The following ADGRG6 variants were observed in gnomAD, a reference collection of about 807,000 sequenced individuals.
The protein encoded by ADGRG6 is G-protein coupled receptor 126.
In ADGRG6, 84 loss-of-function variants were observed where a neutral mutation model predicts 142.4. That is an observed-to-expected ratio of 0.59 (90% CI 0.49 to 0.71). The LOEUF is 0.71. Among genes scored for constraint, ADGRG6 ranks in the 30% least tolerant of loss-of-function variants. The probability of loss-of-function intolerance (pLI) is 0.00; values close to 1 mark genes in which losing one functional copy is unlikely to be tolerated. For missense variants in ADGRG6, 1,367 were observed against 1,466.6 expected (o/e 0.93, Z 1.11); for synonymous variants, 521 against 520.5 (o/e 1.00, Z -0.01).
intron 22 of ADGRG6, among the ~76,000 whole-genome samples, chr6:142,435,075 C>G (rs7758750): frequency 0.081 from 12,329 of 152,074 alleles, 628 homozygotes; most frequent in East Asian, 0.25. Context: ...ATGTAGTTTT[C>G]TTGATGAATA....
chr6:142,441,229 G>C (rs1308714857), intron 24 of ADGRG6, among the ~76,000 whole-genome samples: 2 of 152,148 alleles, frequency 1.3e-5, no homozygotes, highest in Non-Finnish European at 1.5e-5. Flanking sequence ...GTAAAATAAT[G>C]ACAGAAAGCA....
intron 2 of ADGRG6, among the ~76,000 whole-genome samples, chr6:142,352,588 C>T (rs1210615948): frequency 1.3e-5 from 2 of 152,024 alleles, no homozygotes; most frequent in African/African-American, 2.4e-5. Flanking sequence ...TAACAAACCA[C>T]CTGTACCCTC....
intron 10 of ADGRG6, among the ~76,000 whole-genome samples, chr6:142,399,249 GT>G (rs2115005996): frequency 6.6e-6 from 1 of 152,274 alleles, no homozygotes; most frequent in African/African-American, 2.4e-5. Context: ...TCACAGTCTA[GT>G]AAAGAGGCAG....
At chr6:142,398,244 A>C (rs1419979060) in intron 10 of ADGRG6, among the ~76,000 whole-genome samples, 4 of 152,188 alleles carry the variant, frequency 2.6e-5, no homozygotes, top group Non-Finnish European at 2.9e-5. Flanking sequence ...TGGGCTACAC[A>C]GGGAGACTGT....
intron 2 of ADGRG6, among the ~76,000 whole-genome samples, chr6:142,347,614 A>G (rs1397087904): frequency 2.6e-5 from 4 of 152,104 alleles, no homozygotes; most frequent in Non-Finnish European, 5.9e-5. Context: ...TTGGCCCAGT[A>G]CAGTACTTGG....
In ADGRG6 at chr6:142,341,487, T is replaced by C. The variant is rs1220508349; in HGVS notation, c.104-26082T>C. On this transcript the variant is annotated intron_variant, in intron 2 of 24. Coordinates refer to ENST00000367609, the MANE Select transcript of ADGRG6 (RefSeq NM_198569.3). ...ATATAATATTATGTAGTATATATAC[T>C]ATATAATATTATATAGTATATATAC... is the stretch of plus-strand genomic sequence containing the variant. Among the ~76,000 whole-genome samples the C allele has an allele frequency of 9.3e-5, 11 of 118,298 alleles. No individual in the cohort carries two copies. In the South Asian group the frequency reaches 2.2e-3, roughly 24 times the overall value. The allele number at this position is 118,298 out of a possible 152,430, so 77.6% of individuals were successfully genotyped here.
chr6:142,403,656 G>A, intron 13 of ADGRG6, 146 bp from the exon 14 acceptor site: 1 of 556,630 alleles, frequency 1.8e-6, no homozygotes, highest in South Asian at 2.5e-5. Context: ...TGTGGATTGG[G>A]GTAATTTTAT....
intron 2 of ADGRG6, among the ~76,000 whole-genome samples, chr6:142,336,461 C>T (rs1779322081): frequency 2.6e-5 from 4 of 152,116 alleles, no homozygotes. Context: ...TTGTGGTTTG[C>T]TCTCTGGGGT....
At chr6:142,361,820 T>TC (rs1256192623) in intron 2 of ADGRG6, among the ~76,000 whole-genome samples, 1 of 152,092 alleles carries the variant, frequency 6.6e-6, no homozygotes, top group Non-Finnish European at 1.5e-5. Flanking sequence ...TTTTTTTTTT[T>TC]TAAAGCTGGA....
At chr6:142,341,407 A>G (rs1272790455) in intron 2 of ADGRG6, among the ~76,000 whole-genome samples, 1 of 122,836 alleles carries the variant, frequency 8.1e-6, no homozygotes, top group Admixed American at 1.0e-4. Context: ...TATATAATAT[A>G]TTATATAATA....
At chr6:142,338,960 C>T (rs1666017826) in intron 2 of ADGRG6, among the ~76,000 whole-genome samples, 1 of 152,146 alleles carries the variant, frequency 6.6e-6, no homozygotes, top group South Asian at 2.1e-4. Context: ...CACAAACACA[C>T]TCCACATTTT....
chr6:142,363,982 T>G (rs1780832315), intron 2 of ADGRG6, among the ~76,000 whole-genome samples: 1 of 151,918 alleles, frequency 6.6e-6, no homozygotes. Flanking sequence ...CGTTTTGTTC[T>G]GTATTTTTTG....
chr6:142,434,967 A>G (rs1278721024), intron 22 of ADGRG6, among the ~76,000 whole-genome samples: 1 of 152,124 alleles, frequency 6.6e-6, no homozygotes, highest in African/African-American at 2.4e-5. Flanking sequence ...AAAACATGTA[A>G]GCATAACCTT....
At position 142,400,496 on chromosome 6, in the gene ADGRG6, G is replaced by C; in HGVS notation, c.1579G>C (p.Ala527Pro). The C allele has an allele frequency of 6.6e-7, 1 of 1,525,398 alleles. No homozygotes were observed. The highest frequency in any genetic ancestry group is 1.1e-5 in the South Asian group (1 of 88,866). The allele number at this position is 1,525,398 out of a possible 1,614,324, so 94.5% of individuals were successfully genotyped here. Residue 527 changes from alanine to proline, a missense_variant, in exon 11 of 25, where the codon GCC (alanine) becomes CCC (proline). Physicochemically the swap from Ala to Pro is conservative, Grantham distance 27 (BLOSUM62 -1). This residue lies in a region of ADGRG6 where 737 missense variants were observed against 746.5 expected (regional missense o/e 0.99). Transcript: ENST00000367609. Reference protein sequence around the residue: ...VNVRQLGHCLAMEEPKGYYWP... With the variant: ...VNVRQLGHCLPMEEPKGYYWP... ...TTATGTTCATATAGGTCATTGTCTT[G>C]CCATGGAGGAACCCAAAGGCTACTA...
At chr6:142,304,750 CTT>C (rs1476054774) in intron 1 of ADGRG6, among the ~76,000 whole-genome samples, 1 of 152,116 alleles carries the variant, frequency 6.6e-6, no homozygotes, top group South Asian at 2.1e-4. Context: ...ATGGAAAAGA[CTT>C]TGTTCAATGT....
At chr6:142,436,453 TA>T (rs1338850415) in intron 22 of ADGRG6, among the ~76,000 whole-genome samples, 1 of 148,358 alleles carries the variant, frequency 6.7e-6, no homozygotes, top group Non-Finnish European at 1.5e-5. Flanking sequence ...AGAGTGGTCA[TA>T]GTAGGGTCAT....
chr6:142,312,496 A>C (rs1777816209), intron 2 of ADGRG6, among the ~76,000 whole-genome samples: 1 of 152,100 alleles, frequency 6.6e-6, no homozygotes, highest in South Asian at 2.1e-4. Context: ...CACTTGTACC[A>C]TAGAAGTATG....
At chr6:142,394,023 G>T in intron 9 of ADGRG6, 65 bp downstream of exon 9, 1 of 1,041,506 alleles carries the variant, frequency 9.6e-7, no homozygotes, top group South Asian at 1.4e-5. Context: ...TTATCTGGTA[G>T]AGAAATGAAA....
At chr6:142,406,967 C>G (rs970154105) in intron 15 of ADGRG6, among the ~76,000 whole-genome samples, 1 of 152,036 alleles carries the variant, frequency 6.6e-6, no homozygotes, top group Non-Finnish European at 1.5e-5. Flanking sequence ...TTGCAAGCAT[C>G]TGTCATTGTT....
Sources: gnomAD v4.1 joint callset for allele counts (sites outside exome capture counted in the v4.1 genomes callset) on GRCh38, gnomAD v4.1.1 for gene constraint, gnomAD v4.1.1 regional missense constraint, MANE v1.5 for transcripts, NCBI Gene and HGNC (gene_info 2026-07-23, HGNC 2026-07-21) for gene names.